Variants in CNTNAP5 observed in about 807,000 individuals in gnomAD.
CNTNAP5 encodes the protein contactin-associated protein-like 5.
Under a neutral mutation model 150.2 loss-of-function variants are expected in CNTNAP5, and 72 were observed. The observed-to-expected ratio is 0.48, with a 90% CI of 0.40 to 0.58. CNTNAP5 has a LOEUF of 0.58. Ranked by LOEUF, CNTNAP5 falls within the 20% of genes least tolerant of loss-of-function variation. The pLI, the probability that CNTNAP5 is intolerant of heterozygous loss-of-function variation, is 0.00. For missense variants in CNTNAP5, 1,636 were observed against 1,626.2 expected, an observed-to-expected ratio of 1.01 and a Z score of -0.10; for synonymous variants, 672 against 619.8, an observed-to-expected ratio of 1.08 and a Z score of -1.25.
chr2:124,892,067 G>A (rs1678206338), intron 21 of CNTNAP5, among the ~76,000 whole-genome samples: 1 of 152,112 alleles, frequency 6.6e-6, no homozygotes, highest in Non-Finnish European at 1.5e-5. Context: ...AGAATTCTGG[G>A]CCTCTGATGA....
chr2:124,722,635 G>A (rs1286814696), intron 13 of CNTNAP5, among the ~76,000 whole-genome samples: 1 of 152,110 alleles, frequency 6.6e-6, no homozygotes, highest in Non-Finnish European at 1.5e-5. Context: ...TGAGTTCCTG[G>A]GTGGTAGCCC....
At chr2:124,824,899 G>A (rs1360471041) in intron 19 of CNTNAP5, among the ~76,000 whole-genome samples, 2 of 152,132 alleles carry the variant, frequency 1.3e-5, no homozygotes, top group Non-Finnish European at 2.9e-5. Context: ...CCTGGATTTA[G>A]CATACTCTTA....
chr2:124,090,945 A>T (rs1682799317), intron 1 of CNTNAP5, among the ~76,000 whole-genome samples: 1 of 152,220 alleles, frequency 6.6e-6, no homozygotes, highest in South Asian at 2.1e-4. Context: ...AATAACTAGT[A>T]AGTGTTTAAT....
chr2:124,401,962 T>C (rs966818566), intron 3 of CNTNAP5, among the ~76,000 whole-genome samples: 2 of 152,174 alleles, frequency 1.3e-5, no homozygotes, highest in African/African-American at 4.8e-5. Context: ...ACGGGTTTAC[T>C]GAGTAACTTC....
chr2:124,507,977 G>A (rs1694454293), intron 8 of CNTNAP5, among the ~76,000 whole-genome samples: 1 of 152,088 alleles, frequency 6.6e-6, no homozygotes, highest in Admixed American at 6.5e-5. Context: ...TTCCTTAGAA[G>A]CAGGTAAATA....
intron 4 of CNTNAP5, among the ~76,000 whole-genome samples, chr2:124,423,791 A>G (rs1296973617): frequency 7.7e-6 from 1 of 129,466 alleles, no homozygotes; most frequent in Non-Finnish European, 1.6e-5. Flanking sequence ...CAGCCTCCCG[A>G]GTAGCTGGGA....
intron 19 of CNTNAP5, among the ~76,000 whole-genome samples, chr2:124,835,491 G>C (rs1360485405): frequency 1.3e-5 from 2 of 152,156 alleles, no homozygotes; most frequent in Admixed American, 6.6e-5. Flanking sequence ...CAAGAATGCA[G>C]GGGCAGTTGC....
chr2:124,160,537 AAAGTT>A (rs1684652012), intron 1 of CNTNAP5, among the ~76,000 whole-genome samples: 2 of 150,584 alleles, frequency 1.3e-5, no homozygotes, highest in Non-Finnish European at 3.0e-5. Flanking sequence ...TTTTTTTTTT[AAAGTT>A]AAGAGCAATA....
chr2:124,142,868 G>C (rs1484924542), intron 1 of CNTNAP5, among the ~76,000 whole-genome samples: 2 of 150,560 alleles, frequency 1.3e-5, no homozygotes, highest in Non-Finnish European at 2.9e-5. Flanking sequence ...TTTTTGAAAG[G>C]ATCAACAAAA....
chr2:124,152,895 G>T (rs1305112386), intron 1 of CNTNAP5, among the ~76,000 whole-genome samples: 2 of 152,164 alleles, frequency 1.3e-5, no homozygotes, highest in Non-Finnish European at 2.9e-5. Context: ...ACAGGCAAAT[G>T]AAAATCATCC....
rs776340609 is a variant in CNTNAP5 at position 124,902,949 on chromosome 2, C to A, written c.3504C>A (p.Ser1168=). Residue 1168 remains serine (S), a synonymous_variant, in exon 22 of 24, where the codon TCC becomes TCA. Transcript: ENST00000682447. ...NAMGFAGCMS[S]VQYNHIAPLK... ...TGGGTTTTGCTGGATGCATGTCTTC[C>A]GTCCAGTACAACCACATAGCACCAC... 3.7e-6 allele frequency: 6 copies of A among 1,613,002 alleles called. No homozygotes were observed. Among genetic ancestry groups the A allele is most frequent in the Non-Finnish European group, 4.2e-6 (5 of 1,179,368 alleles).
Position 124,121,236 on chromosome 2 carries a change from C to A in CNTNAP5, c.82+95504C>A, listed in dbSNP as rs1436083997. Among the ~76,000 whole-genome samples, 8 of 151,796 alleles carry A rather than the reference C, an allele frequency of 5.3e-5. No individual in the cohort carries two copies. In the East Asian group the frequency reaches 1.4e-3, roughly 26 times the overall value. On this transcript the variant is annotated intron_variant, in intron 1 of 23. Coordinates refer to ENST00000682447, the MANE Select transcript of CNTNAP5 (RefSeq NM_001367498.1). ...TGCTTTGAATGAAATAAGTGAACAC[C>A]CTTACTACCTCCTCTAAGTGTCTTA...
intron 5 of CNTNAP5, among the ~76,000 whole-genome samples, chr2:124,440,211 G>A (rs11686659): frequency 0.2 from 31,076 of 152,054 alleles, 3,425 homozygotes; most frequent in East Asian, 0.33. Flanking sequence ...AGTGAATATC[G>A]GTGTTGATAG....
chr2:124,306,559 A>AGAT (rs546340159), intron 3 of CNTNAP5, among the ~76,000 whole-genome samples: 91 of 152,292 alleles, frequency 6.0e-4, no homozygotes, highest in African/African-American at 2.1e-3. Flanking sequence ...TGCTTCACAC[A>AGAT]GATGGCATGA....
chr2:124,867,469 A>G (rs546063827), intron 20 of CNTNAP5, among the ~76,000 whole-genome samples: 2 of 152,324 alleles, frequency 1.3e-5, no homozygotes, highest in African/African-American at 4.8e-5. Context: ...TCCAGTGGTC[A>G]TGTCTCAGTG....
chr2:124,764,178 A>G (rs1421589242), intron 16 of CNTNAP5, 31 bp downstream of exon 16: 2 of 1,573,474 alleles, frequency 1.3e-6, no homozygotes, highest in Non-Finnish European at 1.7e-6. Flanking sequence ...ATTTAATGTA[A>G]CTGATCAACA....
chr2:124,088,825 C>T (rs1682755524), intron 1 of CNTNAP5, among the ~76,000 whole-genome samples: 1 of 152,158 alleles, frequency 6.6e-6, no homozygotes, highest in Non-Finnish European at 1.5e-5. Flanking sequence ...TTTGACACCA[C>T]TCAAGTGCAT....
At chr2:124,544,590 G>T (rs897340243) in intron 10 of CNTNAP5, among the ~76,000 whole-genome samples, 2 of 144,690 alleles carry the variant, frequency 1.4e-5, no homozygotes, top group Non-Finnish European at 3.0e-5. Flanking sequence ...TGTGGTGATA[G>T]AAATGATCTT....
chr2:124,156,850 C>T (rs1684560185), intron 1 of CNTNAP5, among the ~76,000 whole-genome samples: 1 of 152,168 alleles, frequency 6.6e-6, no homozygotes, highest in Non-Finnish European at 1.5e-5. Flanking sequence ...TTCAGCTCCA[C>T]CAATCACCAA....
Sources: allele counts gnomAD v4.1 joint callset (sites outside exome capture counted in the v4.1 genomes callset), GRCh38; gene constraint gnomAD v4.1.1; transcripts MANE v1.5; gene names NCBI Gene and HGNC (gene_info 2026-07-23, HGNC 2026-07-21).